PCDH7: variants seen among roughly 807,000 people sequenced by gnomAD.
PCDH7 encodes protocadherin 7.
Under a neutral mutation model 58.9 loss-of-function variants are expected in PCDH7, and 17 were observed. The observed-to-expected ratio is 0.29, with a 90% confidence interval of 0.20 to 0.43. The LOEUF (loss-of-function observed/expected upper bound fraction) is 0.43, where lower values mean the gene tolerates loss of function less well. Ranked by LOEUF, PCDH7 falls within the 20% of genes least tolerant of loss-of-function variation. PCDH7 has a pLI of 1.00. For synonymous variants in PCDH7, 664 were observed against 616.4 expected, an observed-to-expected ratio of 1.08 and a Z score of -1.14; for missense variants, 1,274 against 1,441.0, an observed-to-expected ratio of 0.88 and a Z score of 1.88.
chr4:31,016,840 GGTGTGTGTGCTGGGTGT>G (rs1398386112), intron 3 of PCDH7, among the ~76,000 whole-genome samples: 1 of 147,276 alleles, frequency 6.8e-6, no homozygotes, highest in Admixed American at 6.8e-5. Flanking sequence ...GTGTGTGCTG[GGTGTGTGTGCTGGGTGT>G]GTGTGTGTGC....
chr4:31,048,144 A>T (rs1166950884), intron 3 of PCDH7, among the ~76,000 whole-genome samples: 1 of 152,002 alleles, frequency 6.6e-6, no homozygotes, highest in Non-Finnish European at 1.5e-5. Flanking sequence ...TTGGTACAGT[A>T]AATATTTTTC....
At chr4:31,089,879 C>G (rs1214732210) in intron 3 of PCDH7, among the ~76,000 whole-genome samples, 1 of 152,116 alleles carries the variant, frequency 6.6e-6, no homozygotes, top group Non-Finnish European at 1.5e-5. Context: ...TTTTAGCTTT[C>G]AAACATTTCC....
downstream of PCDH7, chr4:31,143,693 A>G (rs1720493685): frequency 1.3e-5 from 2 of 152,200 alleles, no homozygotes; most frequent in South Asian, 2.1e-4. Context: ...TCCAAAGGCC[A>G]AAGATCATAT....
chr4:30,773,181 T>C (rs1278554888), intron 1 of PCDH7, among the ~76,000 whole-genome samples: 1 of 152,202 alleles, frequency 6.6e-6, no homozygotes, highest in Non-Finnish European at 1.5e-5. Flanking sequence ...GGGATTACAG[T>C]CATGAGCTAC....
At chr4:31,057,233 T>C (rs974907159) in intron 3 of PCDH7, among the ~76,000 whole-genome samples, 5 of 152,180 alleles carry the variant, frequency 3.3e-5, no homozygotes, top group African/African-American at 9.7e-5. Context: ...CTAGCAGAAA[T>C]TGACTTTATT....
At chr4:30,745,465 G>T (rs1264502440) in intron 1 of PCDH7, among the ~76,000 whole-genome samples, 1 of 151,962 alleles carries the variant, frequency 6.6e-6, no homozygotes, top group African/African-American at 2.4e-5. Context: ...TAAGTGACTG[G>T]TTGATGACAG....
chr4:30,791,973 T>C (rs73812622), intron 1 of PCDH7, among the ~76,000 whole-genome samples: 1,964 of 152,310 alleles, frequency 0.013, 46 homozygotes, highest in African/African-American at 0.045. Context: ...TCACAAATAG[T>C]TGTTACTTTG....
intron 3 of PCDH7, among the ~76,000 whole-genome samples, chr4:31,067,882 C>T (rs769153133): frequency 3.2e-4 from 49 of 151,810 alleles, no homozygotes; most frequent in Non-Finnish European, 3.7e-4. Context: ...ACAATGAGAG[C>T]GGCGCAATAC....
intron 1 of PCDH7, among the ~76,000 whole-genome samples, chr4:30,812,952 A>G (rs1042732811): frequency 1.2e-4 from 18 of 152,228 alleles, no homozygotes; most frequent in African/African-American, 4.3e-4. Context: ...TCTAAGCATT[A>G]TGAAGATATA....
At chr4:30,903,179 A>G (rs1740453918) in intron 1 of PCDH7, among the ~76,000 whole-genome samples, 1 of 152,048 alleles carries the variant, frequency 6.6e-6, no homozygotes, top group Non-Finnish European at 1.5e-5. Context: ...TAGTGAATTT[A>G]TTTTTCTCAT....
At chr4:31,004,683 T>C (rs1291014466) in intron 3 of PCDH7, among the ~76,000 whole-genome samples, 1 of 152,086 alleles carries the variant, frequency 6.6e-6, no homozygotes, top group Non-Finnish European at 1.5e-5. Flanking sequence ...GAAACTCTCA[T>C]CTCAAAAAGA....
intron 1 of PCDH7, among the ~76,000 whole-genome samples, chr4:30,739,111 CTATA>C (rs1031587055): frequency 7.3e-6 from 1 of 137,528 alleles, no homozygotes; most frequent in African/African-American, 2.7e-5. Context: ...CAACCTGGAA[CTATA>C]TATATATATT....
chr4:31,025,578 T>G (rs532704478), intron 3 of PCDH7, among the ~76,000 whole-genome samples: 10 of 152,328 alleles, frequency 6.6e-5, no homozygotes, highest in Admixed American at 6.5e-4. Flanking sequence ...CATAGGTAGT[T>G]AACAGATGCA....
At chr4:31,056,504 AGAAAGAAAGAAAGGGGAAG>A (rs1757237257) in intron 3 of PCDH7, among the ~76,000 whole-genome samples, 1 of 117,850 alleles carries the variant, frequency 8.5e-6, no homozygotes. Flanking sequence ...AAAGAAAGAA[AGAAAGAAAGAAAGGGGAAG>A]GGAAGGGAAG....
chr4:31,002,805 T>C (rs187065036), intron 3 of PCDH7, among the ~76,000 whole-genome samples: 1 of 152,188 alleles, frequency 6.6e-6, no homozygotes, highest in African/African-American at 2.4e-5. Context: ...GCCCCAAATA[T>C]TTTGACATGT....
At chr4:31,077,093 A>G (rs929474129) in intron 3 of PCDH7, among the ~76,000 whole-genome samples, 9 of 152,208 alleles carry the variant, frequency 5.9e-5, no homozygotes, top group African/African-American at 2.2e-4. Context: ...ACATACACAC[A>G]TAAATCTGAT....
chr4:31,016,990 G>A (rs1000222012), intron 3 of PCDH7, among the ~76,000 whole-genome samples: 5 of 151,030 alleles, frequency 3.3e-5, no homozygotes, highest in Admixed American at 6.6e-5. Context: ...AGAGAGAGTT[G>A]GGTATTCTTC....
intron 3 of PCDH7, among the ~76,000 whole-genome samples, chr4:31,019,963 T>A (rs11939049): frequency 0.093 from 14,192 of 152,006 alleles, 1,735 homozygotes; most frequent in African/African-American, 0.28. Context: ...TGTTTCATTT[T>A]GAAAGCAATT....
chr4:31,065,356 G>T (rs1027160166), intron 3 of PCDH7, among the ~76,000 whole-genome samples: 2 of 151,930 alleles, frequency 1.3e-5, no homozygotes, highest in African/African-American at 4.8e-5. Context: ...TGTCTGAGAG[G>T]CAGAAAAGAG....
Sources: gnomAD v4.1 joint callset for allele counts (sites outside exome capture counted in the v4.1 genomes callset) on GRCh38, gnomAD v4.1.1 for gene constraint, MANE v1.5 for transcripts, NCBI Gene and HGNC (gene_info 2026-07-23, HGNC 2026-07-21) for gene names.